Variants in GDA observed in about 807,000 individuals in gnomAD.
The protein encoded by GDA is cytoplasmic PSD-95 interactor.
A neutral mutation model predicts 59.6 loss-of-function variants in GDA; 18 were observed. The observed-to-expected ratio is 0.30, with a 90% CI of 0.21 to 0.45. The LOEUF is 0.45. Ranked by LOEUF, GDA falls within the 20% of genes least tolerant of loss-of-function variation. GDA has a pLI of 1.00. For synonymous variants in GDA, 201 were observed against 201.1 expected, an observed-to-expected ratio of 1.00 and a Z score of 0.00; for missense variants, 427 against 552.3, an observed-to-expected ratio of 0.77 and a Z score of 2.27.
chr9:72,234,946 C>A (rs1030483598), intron 10 of GDA, among the ~76,000 whole-genome samples: 1 of 152,046 alleles, frequency 6.6e-6, no homozygotes, highest in Non-Finnish European at 1.5e-5. Context: ...AGGAAGGCAA[C>A]AAAATTCTCA....
At chr9:72,239,550 T>C (rs1476228022) in intron 10 of GDA, among the ~76,000 whole-genome samples, 1 of 152,156 alleles carries the variant, frequency 6.6e-6, no homozygotes, top group African/African-American at 2.4e-5. Flanking sequence ...TATTATAAAA[T>C]ATAGTTAGTC....
intron 1 of GDA, among the ~76,000 whole-genome samples, chr9:72,150,384 A>G (rs946625066): frequency 6.6e-6 from 1 of 152,146 alleles, no homozygotes; most frequent in Non-Finnish European, 1.5e-5. Context: ...CAAAGCAAGC[A>G]GTTCCATTTT....
rs375568567 is a variant in GDA at position 72,120,385 on chromosome 9, G to A, written c.-100+5552G>A. Among the ~76,000 whole-genome samples the A allele has an allele frequency of 7.2e-5, 11 of 152,178 alleles. No homozygotes were observed. In the South Asian group the frequency reaches 2.3e-3, roughly 32 times the overall value. The stretch of plus-strand genomic sequence containing the variant: ...TAAAAAATATTTTTAGCAGAGACAA[G>A]CTTTCACCATGTTGGCCAGGCTGTT... On this transcript the variant is annotated intron_variant, in intron 1 of 13. Coordinates refer to the GDA transcript ENST00000545168.
At chr9:72,126,665 C>G (rs1366229319) in intron 1 of GDA, among the ~76,000 whole-genome samples, 1 of 149,372 alleles carries the variant, frequency 6.7e-6, no homozygotes, top group African/African-American at 2.5e-5. Context: ...CTCCCGGGGT[C>G]AAGTGATTCT....
chr9:72,250,547 A>G lies in GDA; in HGVS notation c.*2205A>G. The stretch of plus-strand genomic sequence containing the variant: ...ACATCACTTATAACTTATGTGTTTT[A>G]TTTCTCCAAGTGCGGTGTTCCTGAA... On this transcript the variant is annotated 3_prime_UTR_variant, in exon 14 of 14. Coordinates refer to ENST00000358399, the MANE Select transcript of GDA (RefSeq NM_004293.5). 7.0e-7 allele frequency: 1 copy of G among 1,436,814 alleles called. No homozygotes were observed. Among genetic ancestry groups the G allele is most frequent in the South Asian group, 1.5e-5 (1 of 67,552 alleles). 89.0% of individuals were successfully genotyped at this position (1,436,814 alleles called of 1,614,324 possible). A position where few individuals can be genotyped will look rare whatever the true frequency, so the allele number is the denominator to read the frequency against.
At chr9:72,143,260 G>A (rs529792135) in intron 1 of GDA, among the ~76,000 whole-genome samples, 3 of 151,320 alleles carry the variant, frequency 2.0e-5, no homozygotes, top group Admixed American at 2.0e-4. Context: ...CTCCCGAGTA[G>A]CTGGGATTAC....
rs10869148 is a variant in GDA, at chr9:72,219,468, C to T, written c.579-11C>T. 0.31 allele frequency: 489,836 copies of T among 1,565,164 alleles called. 79,499 individuals are homozygous for T. The highest frequency in any genetic ancestry group is 0.49 in the East Asian group (21,892 of 44,334). On this transcript the variant is annotated splice_polypyrimidine_tract_variant and intron_variant, in intron 5 of 13. Transcript: ENST00000358399. ...CTCAAGTTTTCTAACCCATTTGTTG[C>T]TTTATTTCAGATTTGTGTCAGAAAT...
chr9:72,154,221 C>G (rs1426014038), intron 1 of GDA, among the ~76,000 whole-genome samples: 2 of 152,122 alleles, frequency 1.3e-5, no homozygotes, highest in East Asian at 3.9e-4. Context: ...GACTTGGGTT[C>G]AGGTCAGAGT....
intron 7 of GDA, 38 bp downstream of exon 7, chr9:72,223,265 C>T (rs1159501470): frequency 1.8e-6 from 2 of 1,098,990 alleles, no homozygotes; most frequent in East Asian, 4.8e-5. Context: ...CTATGCAGAC[C>T]TGCAAGATTT....
rs1428977229 is a variant in GDA, at chr9:72,131,829, C to G, written c.-100+16996C>G. Among the ~76,000 whole-genome samples, 11 of 152,276 alleles carry G rather than the reference C, an allele frequency of 7.2e-5. No homozygotes were observed. The South Asian group carries it at 2.1e-3, about 29-fold the overall frequency. ...GCTATGGGAGGAAAAGAACTATACCCCTTTATATTAGTCTGTTTTCATGCT... is the reference window on the plus strand; with the variant it reads ...GCTATGGGAGGAAAAGAACTATACCGCTTTATATTAGTCTGTTTTCATGCT... On this transcript the variant is annotated intron_variant, in intron 1 of 13. Transcript: ENST00000545168.
At chr9:72,213,570 G>A (rs1433107064) in intron 4 of GDA, among the ~76,000 whole-genome samples, 7 of 151,964 alleles carry the variant, frequency 4.6e-5, no homozygotes, top group South Asian at 2.1e-4. Flanking sequence ...TTGGGAGGCC[G>A]AGGCGGGCGG....
intron 1 of GDA, among the ~76,000 whole-genome samples, chr9:72,121,120 C>T (rs764293063): frequency 6.6e-6 from 1 of 152,136 alleles, no homozygotes; most frequent in Non-Finnish European, 1.5e-5. Context: ...TAGTTCGTAC[C>T]AAACATGGTA....
intron 3 of GDA, among the ~76,000 whole-genome samples, chr9:72,206,216 A>G (rs993200077): frequency 1.3e-5 from 2 of 152,106 alleles, no homozygotes; most frequent in Non-Finnish European, 2.9e-5. Context: ...TTCTATCTCT[A>G]TGAGATGAAG....
At chr9:72,150,553 A>G (rs1414327385) in intron 1 of GDA, among the ~76,000 whole-genome samples, 1 of 152,230 alleles carries the variant, frequency 6.6e-6, no homozygotes, top group Non-Finnish European at 1.5e-5. Context: ...TGATAAGTGA[A>G]GCCATTCCAT....
intron 1 of GDA, among the ~76,000 whole-genome samples, chr9:72,171,483 A>AT (rs931842663): frequency 1.3e-4 from 19 of 151,904 alleles, no homozygotes; most frequent in East Asian, 1.9e-4. Context: ...TTGGTGACCT[A>AT]TTTTTTATGG....
At chr9:72,193,486 C>G (rs1200775340) in intron 1 of GDA, among the ~76,000 whole-genome samples, 3 of 152,268 alleles carry the variant, frequency 2.0e-5, no homozygotes. Context: ...CAGTCTCTCT[C>G]TCTGTTCTTA....
At chr9:72,145,350 C>G (rs931125058), upstream of GDA, among the ~76,000 whole-genome samples, 26 of 152,156 alleles carry the variant, frequency 1.7e-4, no homozygotes, top group African/African-American at 6.3e-4. Context: ...TGTATGAGAA[C>G]AACTGGACTC....
chr9:72,167,806 C>T (rs1206501695), intron 1 of GDA, among the ~76,000 whole-genome samples: 1 of 152,134 alleles, frequency 6.6e-6, no homozygotes, highest in Non-Finnish European at 1.5e-5. Flanking sequence ...AATGTCTTGC[C>T]CTTATCATAC....
chr9:72,155,405 A>C (rs1827777857), intron 1 of GDA, among the ~76,000 whole-genome samples: 1 of 152,206 alleles, frequency 6.6e-6, no homozygotes, highest in African/African-American at 2.4e-5. Context: ...ATTCAAGATG[A>C]GATTTGGATG....
Sources: gnomAD v4.1 joint callset for allele counts (sites outside exome capture counted in the v4.1 genomes callset) on GRCh38, gnomAD v4.1.1 for gene constraint, MANE v1.5 for transcripts, NCBI Gene and HGNC (gene_info 2026-07-23, HGNC 2026-07-21) for gene names.